SYT16: variants seen among roughly 807,000 people sequenced by gnomAD.
The protein encoded by SYT16 is synaptotagmin 16.
Under a neutral mutation model 61.4 loss-of-function variants are expected in SYT16, and 42 were observed. The ratio of observed to expected loss-of-function variants is 0.68; its 90% CI spans 0.53 to 0.89. SYT16 has a LOEUF of 0.89. SYT16 is among the 40% of genes least tolerant of loss of function. The probability of loss-of-function intolerance (pLI) is 0.00; values close to 1 mark genes in which losing one functional copy is unlikely to be tolerated. For synonymous variants in SYT16, 314 were observed against 302.3 expected, an observed-to-expected ratio of 1.04 and a Z score of -0.40; for missense variants, 804 against 807.3, an observed-to-expected ratio of 1.00 and a Z score of 0.05.
intron 1 of SYT16, among the ~76,000 whole-genome samples, chr14:61,860,845 C>A (rs1235013814): frequency 6.6e-6 from 1 of 151,948 alleles, no homozygotes; most frequent in African/African-American, 2.4e-5. Flanking sequence ...TTGGATTTTA[C>A]CAGGGTGTGG....
At chr14:62,073,324 G>A (rs1363893198) in intron 4 of SYT16, among the ~76,000 whole-genome samples, 2 of 152,112 alleles carry the variant, frequency 1.3e-5, no homozygotes, top group African/African-American at 2.4e-5. Flanking sequence ...ATCCTGCTGG[G>A]TTCTACACAT....
At chr14:61,928,185 G>A (rs1268549880) in intron 1 of SYT16, among the ~76,000 whole-genome samples, 1 of 152,158 alleles carries the variant, frequency 6.6e-6, no homozygotes. Context: ...AGAAAATGGA[G>A]GGGTTGAAAG....
intron 3 of SYT16, among the ~76,000 whole-genome samples, chr14:62,046,238 T>TA (rs1265110739): frequency 2.0e-5 from 3 of 152,064 alleles, no homozygotes; most frequent in African/African-American, 7.2e-5. Flanking sequence ...TTTTTGGCTG[T>TA]ATAAATGTCT....
At position 61,886,880 on chromosome 14, in the gene SYT16, CTTTTTTTTTTT is replaced by C. The variant is rs371140698; in HGVS notation, c.-325+74075_-325+74085del. 2.0e-4 allele frequency among the ~76,000 whole-genome samples: 22 copies of C among 110,852 alleles called. No homozygotes were observed. In the South Asian group the frequency reaches 3.8e-3, roughly 19 times the overall value. 72.7% of individuals were successfully genotyped at this position (110,852 alleles called of 152,430 possible). A position where few individuals can be genotyped will look rare whatever the true frequency, so the allele number is the denominator to read the frequency against. On this transcript the variant is annotated intron_variant, in intron 1 of 7. Transcript: ENST00000683842. ...GGAGTTACGCTTATTTTTTTTTTGTCTTTTTTTTTTTTTTTGTCTTTTTTTTTTTTTCCTTT... is the reference window on the plus strand; with the variant it reads ...GGAGTTACGCTTATTTTTTTTTTGTCTTTTGTCTTTTTTTTTTTTTCCTTT...
At chr14:61,993,448 A>G (rs1426565098) in intron 2 of SYT16, among the ~76,000 whole-genome samples, 4 of 152,130 alleles carry the variant, frequency 2.6e-5, no homozygotes, top group Non-Finnish European at 5.9e-5. Flanking sequence ...ATTCAGAACA[A>G]CAACAACAAA....
chr14:62,011,904 C>T (rs374521458), intron 3 of SYT16, among the ~76,000 whole-genome samples: 5 of 90,166 alleles, frequency 5.5e-5, no homozygotes, highest in South Asian at 3.3e-4. Context: ...CACACACACA[C>T]ATATATATAC....
intron 1 of SYT16, among the ~76,000 whole-genome samples, chr14:61,940,675 A>T (rs2050172780): frequency 6.6e-6 from 1 of 152,162 alleles, no homozygotes; most frequent in South Asian, 2.1e-4. Flanking sequence ...AAAGTATAAT[A>T]ATTATTATTC....
At chr14:61,890,652 G>C (rs1170442151) in intron 1 of SYT16, among the ~76,000 whole-genome samples, 1 of 152,044 alleles carries the variant, frequency 6.6e-6, no homozygotes, top group Non-Finnish European at 1.5e-5. Context: ...TGATATATGA[G>C]AAACTGAGGC....
At chr14:61,844,364 G>T (rs2140258368) in intron 1 of SYT16, among the ~76,000 whole-genome samples, 1 of 152,102 alleles carries the variant, frequency 6.6e-6, no homozygotes, top group African/African-American at 2.4e-5. Flanking sequence ...TTCCAATTTG[G>T]ATGCCCTTTA....
At chr14:61,859,355 C>A (rs2046893895) in intron 1 of SYT16, among the ~76,000 whole-genome samples, 1 of 152,008 alleles carries the variant, frequency 6.6e-6, no homozygotes, top group Non-Finnish European at 1.5e-5. Flanking sequence ...AGTTCATTAG[C>A]ATAATAAGAT....
intron 3 of SYT16, among the ~76,000 whole-genome samples, chr14:62,050,528 T>C (rs1298125899): frequency 2.0e-5 from 3 of 152,242 alleles, no homozygotes; most frequent in African/African-American, 7.2e-5. Context: ...GCTGCGTTCC[T>C]TTGGAGGAGG....
intron 5 of SYT16, among the ~76,000 whole-genome samples, chr14:62,079,620 T>A (rs1049034223): frequency 6.6e-6 from 1 of 152,244 alleles, no homozygotes; most frequent in African/African-American, 2.4e-5. Flanking sequence ...CATTGTATTA[T>A]AATTTGAAAC....
intron 1 of SYT16, among the ~76,000 whole-genome samples, chr14:61,887,908 A>G (rs1049600727): frequency 6.6e-6 from 1 of 152,172 alleles, no homozygotes; most frequent in African/African-American, 2.4e-5. Flanking sequence ...TAGCAATTTT[A>G]GTTTCCTTCA....
intron 1 of SYT16, among the ~76,000 whole-genome samples, chr14:61,963,252 G>A (rs993686644): frequency 6.6e-6 from 1 of 152,128 alleles, no homozygotes; most frequent in Non-Finnish European, 1.5e-5. Context: ...TATACTTCAT[G>A]AGCAAGACAT....
At chr14:61,986,882 A>G (rs2052339368) in intron 2 of SYT16, among the ~76,000 whole-genome samples, 1 of 152,194 alleles carries the variant, frequency 6.6e-6, no homozygotes, top group Non-Finnish European at 1.5e-5. Context: ...AAAAATATTG[A>G]TGGCCTATTC....
chr14:62,055,563 TG>T (rs1371003242), intron 3 of SYT16, among the ~76,000 whole-genome samples: 1 of 152,208 alleles, frequency 6.6e-6, no homozygotes, highest in Non-Finnish European at 1.5e-5. Context: ...ACTTTCATCA[TG>T]GCTCTTCTTT....
intron 3 of SYT16, among the ~76,000 whole-genome samples, chr14:62,005,057 C>T: frequency 6.6e-6 from 1 of 152,164 alleles, no homozygotes; most frequent in East Asian, 1.9e-4. Flanking sequence ...GATAGAAGTT[C>T]CAGTTCCTAG....
intron 1 of SYT16, among the ~76,000 whole-genome samples, chr14:61,824,768 A>G (rs1158140556): frequency 3.9e-5 from 6 of 152,190 alleles, no homozygotes; most frequent in Non-Finnish European, 5.9e-5. Context: ...ACTCAAGGTA[A>G]TGGTGGTCCC....
At chr14:61,872,227 G>A (rs1407155956) in intron 1 of SYT16, among the ~76,000 whole-genome samples, 1 of 151,786 alleles carries the variant, frequency 6.6e-6, no homozygotes, top group Non-Finnish European at 1.5e-5. Flanking sequence ...TTATTTCTTT[G>A]TAAATACATA....
Sources: allele counts gnomAD v4.1 joint callset (sites outside exome capture counted in the v4.1 genomes callset), GRCh38; gene constraint gnomAD v4.1.1; transcripts MANE v1.5; gene names NCBI Gene and HGNC (gene_info 2026-07-23, HGNC 2026-07-21).